Variants in SDK1 observed in about 807,000 individuals in gnomAD.
SDK1 encodes the protein sidekick cell adhesion molecule 1.
SDK1 carries 157 observed loss-of-function variants against 245.5 expected under a neutral mutation model. The ratio of observed to expected loss-of-function variants is 0.64; its 90% confidence interval spans 0.56 to 0.73. SDK1 has a LOEUF of 0.73. SDK1 is among the 30% of genes least tolerant of loss of function. The pLI, the probability that SDK1 is intolerant of heterozygous loss-of-function variation, is 0.00. For synonymous variants in SDK1, 1,647 were observed against 1,278.5 expected, an observed-to-expected ratio of 1.29 and a Z score of -6.15; for missense variants, 3,583 against 3,002.3, an observed-to-expected ratio of 1.19 and a Z score of -4.52.
chr7:3,940,840 T>C (rs1477249954), intron 5 of SDK1, among the ~76,000 whole-genome samples: 1 of 151,886 alleles, frequency 6.6e-6, no homozygotes, highest in Non-Finnish European at 1.5e-5. Flanking sequence ...ATTAAAAAAA[T>C]AAAGGTCAGT....
chr7:3,802,643 C>T (rs1038413682), intron 4 of SDK1, among the ~76,000 whole-genome samples: 4 of 152,082 alleles, frequency 2.6e-5, no homozygotes, highest in South Asian at 4.2e-4. Flanking sequence ...ACCTGGCAGC[C>T]GCTAATCTGT....
intron 4 of SDK1, among the ~76,000 whole-genome samples, chr7:3,720,173 T>G (rs1435153528): frequency 6.6e-6 from 1 of 152,136 alleles, no homozygotes; most frequent in African/African-American, 2.4e-5. Flanking sequence ...GGGGAATTGC[T>G]TGAACCAGAG....
intron 1 of SDK1, among the ~76,000 whole-genome samples, chr7:3,322,461 C>T (rs191776979): frequency 6.6e-6 from 1 of 152,226 alleles, no homozygotes; most frequent in African/African-American, 2.4e-5. Flanking sequence ...TGTGTTTGAA[C>T]ACCTGTTTTC....
chr7:3,512,408 T>C (rs1362621556), intron 1 of SDK1, among the ~76,000 whole-genome samples: 1 of 152,228 alleles, frequency 6.6e-6, no homozygotes, highest in East Asian at 1.9e-4. Context: ...CAATTATGAA[T>C]AAAACTGGCA....
chr7:3,483,314 C>G (rs923585139), intron 1 of SDK1, among the ~76,000 whole-genome samples: 6 of 152,106 alleles, frequency 3.9e-5, no homozygotes, highest in Non-Finnish European at 8.8e-5. Context: ...GATCTTGCCA[C>G]CTTTTTTTAG....
chr7:3,447,830 G>T (rs1395487071), intron 1 of SDK1, among the ~76,000 whole-genome samples: 1 of 150,620 alleles, frequency 6.6e-6, no homozygotes, highest in Non-Finnish European at 1.5e-5. Context: ...TCAGCCTCTC[G>T]AGTAGCTGGG....
At chr7:3,805,182 T>G (rs1358343934) in intron 4 of SDK1, among the ~76,000 whole-genome samples, 1 of 152,274 alleles carries the variant, frequency 6.6e-6, no homozygotes, top group Non-Finnish European at 1.5e-5. Flanking sequence ...TATTTTATGC[T>G]ACTAAAAAAT....
intron 13 of SDK1, among the ~76,000 whole-genome samples, chr7:3,981,401 T>C (rs1445316830): frequency 6.6e-6 from 1 of 152,096 alleles, no homozygotes; most frequent in Non-Finnish European, 1.5e-5. Flanking sequence ...TTAATAACCC[T>C]GCAAAGGCCT....
intron 1 of SDK1, among the ~76,000 whole-genome samples, chr7:3,390,460 C>T (rs1781721270): frequency 6.6e-6 from 1 of 152,158 alleles, no homozygotes; most frequent in Non-Finnish European, 1.5e-5. Flanking sequence ...AGCATCTTTC[C>T]TATACCGAGT....
chr7:3,935,169 C>T (rs1019319369), intron 5 of SDK1, among the ~76,000 whole-genome samples: 7 of 152,138 alleles, frequency 4.6e-5, no homozygotes, highest in Admixed American at 1.3e-4. Flanking sequence ...GTGCCAGGGA[C>T]GATGGGCAGG....
intron 14 of SDK1, among the ~76,000 whole-genome samples, chr7:3,996,094 A>G (rs1784677413): frequency 6.6e-6 from 1 of 152,086 alleles, no homozygotes; most frequent in Non-Finnish European, 1.5e-5. Context: ...TGTGTTATAT[A>G]CTCTGGCACA....
intron 5 of SDK1, among the ~76,000 whole-genome samples, chr7:3,905,628 C>G (rs1778873881): frequency 1.3e-5 from 2 of 151,826 alleles, no homozygotes; most frequent in Admixed American, 1.3e-4. Flanking sequence ...TTATCAATTC[C>G]AAAGTTTTTT....
intron 5 of SDK1, among the ~76,000 whole-genome samples, chr7:3,871,388 C>G (rs533200615): frequency 1.3e-5 from 2 of 152,134 alleles, no homozygotes; most frequent in Non-Finnish European, 2.9e-5. Flanking sequence ...TTCTTCCTCT[C>G]GAATCTGTAT....
At chr7:3,709,168 A>G (rs908904706) in intron 4 of SDK1, among the ~76,000 whole-genome samples, 1 of 152,178 alleles carries the variant, frequency 6.6e-6, no homozygotes, top group Non-Finnish European at 1.5e-5. Flanking sequence ...TATTTGTCTG[A>G]AAATTACTTT....
intron 1 of SDK1, among the ~76,000 whole-genome samples, chr7:3,551,120 G>T (rs1349151145): frequency 6.6e-6 from 1 of 152,002 alleles, no homozygotes; most frequent in African/African-American, 2.4e-5. Flanking sequence ...TTTCGTTTTT[G>T]TTCTTTTGTA....
chr7:3,382,752 A>G lies in SDK1; in HGVS notation c.298+80868A>G, dbSNP rs1429277806. The stretch of plus-strand genomic sequence containing the variant: ...TATTGGCAAAACATAGAGAAAAATC[A>G]TTACACATCTAGTGTCTCACAACAT... On this transcript the variant is annotated intron_variant, in intron 1 of 44. Transcript: ENST00000404826. Among the ~76,000 whole-genome samples the G allele has an allele frequency of 9.2e-5, 14 of 152,190 alleles. No individual in the cohort carries two copies. In the East Asian group the frequency reaches 2.7e-3, roughly 29 times the overall value.
At chr7:3,590,914 C>T (rs1162021645) in intron 1 of SDK1, among the ~76,000 whole-genome samples, 1 of 151,862 alleles carries the variant, frequency 6.6e-6, no homozygotes, top group Non-Finnish European at 1.5e-5. Context: ...TCCCAAGTAG[C>T]TGAGACTACT....
intron 1 of SDK1, among the ~76,000 whole-genome samples, chr7:3,509,623 C>T (rs1782511023): frequency 6.6e-6 from 1 of 152,146 alleles, no homozygotes; most frequent in African/African-American, 2.4e-5. Flanking sequence ...CAGAGCTGGT[C>T]TGTCTGTCTC....
intron 1 of SDK1, among the ~76,000 whole-genome samples, chr7:3,412,764 A>G (rs1180495645): frequency 6.6e-6 from 1 of 152,214 alleles, no homozygotes; most frequent in African/African-American, 2.4e-5. Flanking sequence ...GCCTGCTATA[A>G]CTACCAATTA....
Sources: gnomAD v4.1 joint callset for allele counts (sites outside exome capture counted in the v4.1 genomes callset) on GRCh38, gnomAD v4.1.1 for gene constraint, MANE v1.5 for transcripts, NCBI Gene and HGNC (gene_info 2026-07-23, HGNC 2026-07-21) for gene names.